The following LARGE1 variants were observed in gnomAD, a reference collection of about 807,000 sequenced individuals.
LARGE1 encodes LARGE xylosyl- and glucuronyltransferase 1.
LARGE1 carries 43 observed loss-of-function variants against 87.6 expected under a neutral mutation model. The observed-to-expected ratio is 0.49, with a 90% CI of 0.38 to 0.63. LARGE1 has a LOEUF of 0.63. Ranked by LOEUF, LARGE1 falls within the 30% of genes least tolerant of loss-of-function variation. The pLI is 0.00. For synonymous variants in LARGE1, 434 were observed against 394.6 expected (o/e 1.10, Z -1.18); for missense variants, 802 against 1,000.2 (o/e 0.80, Z 2.67).
chr22:33,850,940 C>A (rs1305416688), intron 1 of LARGE1, among the ~76,000 whole-genome samples: 7 of 152,172 alleles, frequency 4.6e-5, no homozygotes. Context: ...AAGTCTATAG[C>A]TGCTGAATGA....
chr22:33,419,224 A>T (rs1439968662), intron 7 of LARGE1, among the ~76,000 whole-genome samples: 1 of 152,082 alleles, frequency 6.6e-6, no homozygotes, highest in Non-Finnish European at 1.5e-5. Context: ...TATCACAAGT[A>T]CAGCATAGGG....
intron 1 of LARGE1, among the ~76,000 whole-genome samples, chr22:33,766,634 A>T (rs907147254): frequency 1.3e-5 from 2 of 151,918 alleles, no homozygotes; most frequent in Admixed American, 6.6e-5. Context: ...CATGTTAGCC[A>T]GGCTGGTCTC....
the LARGE1 span, among the ~76,000 whole-genome samples, chr22:33,100,380 T>G: frequency 1.5e-5 from 2 of 129,198 alleles, no homozygotes; most frequent in Non-Finnish European, 3.4e-5. Flanking sequence ...AAGTAAAAAA[T>G]TAAATAAATA....
the LARGE1 span, among the ~76,000 whole-genome samples, chr22:33,138,098 G>A: frequency 6.6e-6 from 1 of 152,210 alleles, no homozygotes; most frequent in Non-Finnish European, 1.5e-5. Flanking sequence ...GCCAGCCTGT[G>A]AAAGCAGCAG....
At chr22:33,857,229 C>CTT (rs1331785612) in intron 1 of LARGE1, among the ~76,000 whole-genome samples, 1 of 152,170 alleles carries the variant, frequency 6.6e-6, no homozygotes, top group Non-Finnish European at 1.5e-5. Context: ...AAAAGAACAT[C>CTT]TTTAAGTAAA....
chr22:33,252,546 T>C (rs1434967619), intron 11 of LARGE1, among the ~76,000 whole-genome samples: 1 of 152,236 alleles, frequency 6.6e-6, no homozygotes, highest in Non-Finnish European at 1.5e-5. Flanking sequence ...CTCTTCAAGA[T>C]AGCTTTTCTA....
At chr22:33,313,519 G>C (rs1316178632) in intron 11 of LARGE1, among the ~76,000 whole-genome samples, 1 of 152,178 alleles carries the variant, frequency 6.6e-6, no homozygotes, top group African/African-American at 2.4e-5. Context: ...TCTTGGGTGT[G>C]GGCAGGGCTT....
At chr22:33,346,469 T>C (rs989704821) in intron 9 of LARGE1, among the ~76,000 whole-genome samples, 3 of 151,948 alleles carry the variant, frequency 2.0e-5, no homozygotes, top group Non-Finnish European at 4.4e-5. Flanking sequence ...CGCCTGGCTA[T>C]GTTTTGTATT....
chr22:33,748,967 G>T (rs1042967158), intron 2 of LARGE1, among the ~76,000 whole-genome samples: 4 of 152,174 alleles, frequency 2.6e-5, no homozygotes, highest in African/African-American at 9.7e-5. Flanking sequence ...GGACCAGGTG[G>T]GTGACGTTTT....
intron 12 of LARGE1, among the ~76,000 whole-genome samples, chr22:33,284,833 C>T (rs1931213789): frequency 6.6e-6 from 1 of 152,098 alleles, no homozygotes; most frequent in Non-Finnish European, 1.5e-5. Flanking sequence ...CCTTGGCCTC[C>T]CAAAGTGCTG....
intron 7 of LARGE1, among the ~76,000 whole-genome samples, chr22:33,417,873 T>C (rs1318497188): frequency 6.6e-6 from 1 of 152,196 alleles, no homozygotes; most frequent in Non-Finnish European, 1.5e-5. Flanking sequence ...CAATGGCAGG[T>C]TGAGTCCTTC....
intron 1 of LARGE1, among the ~76,000 whole-genome samples, chr22:33,897,613 C>T (rs768955712): frequency 6.6e-6 from 1 of 152,172 alleles, no homozygotes; most frequent in Non-Finnish European, 1.5e-5. Flanking sequence ...ATGAAGCCAG[C>T]GGAACCTACA....
chr22:33,522,411 A>G (rs1361327464), intron 6 of LARGE1, among the ~76,000 whole-genome samples: 2 of 152,208 alleles, frequency 1.3e-5, no homozygotes, highest in Non-Finnish European at 1.5e-5. Flanking sequence ...GAGAGTTAAT[A>G]AATGGTATCT....
the LARGE1 span, among the ~76,000 whole-genome samples, chr22:33,075,918 T>C: frequency 2.0e-5 from 3 of 152,148 alleles, no homozygotes; most frequent in Admixed American, 6.5e-5. Context: ...ATTAGACATA[T>C]CCTTAGAGAA....
At position 33,274,528 on chromosome 22, in the gene LARGE1, G is replaced by A. The variant is rs1483383744; in HGVS notation, c.2170C>T (p.Arg724Cys). The change falls in exon 15 of 15, where the codon CGC becomes TGC. Residue 724 changes from arginine (R) to cysteine (C), a missense_variant. Around this residue, in one of 2 missense-constraint regions of LARGE1, gnomAD observed 625 missense variants for 841.9 expected, o/e 0.74. Transcript: ENST00000397394. The part of the protein sequence containing the change: ...ITKFRSNKQY[R>C]ICLKTLKEEF... ...TCCTTGAGGGTTTTGAGACAGATGC[G>A]GTATTGCTTGTTGGAACGGAACTTG... 3.1e-6 allele frequency: 5 copies of A among 1,614,004 alleles called. No individual in the cohort carries two copies. Among genetic ancestry groups the A allele is most frequent in the South Asian group, 1.1e-5 (1 of 91,082 alleles).
At chr22:33,888,728 G>A (rs566008229) in intron 1 of LARGE1, among the ~76,000 whole-genome samples, 3 of 151,980 alleles carry the variant, frequency 2.0e-5, no homozygotes, top group African/African-American at 4.8e-5. Context: ...ATGGTGGTGC[G>A]TGCCTGTAAT....
chr22:33,168,161 C>A (rs1370804652), intron 11 of LARGE1, among the ~76,000 whole-genome samples: 1 of 152,092 alleles, frequency 6.6e-6, no homozygotes, highest in East Asian at 1.9e-4. Flanking sequence ...TACAATATTG[C>A]CTCTTCAGAT....
chr22:33,139,878 C>T, the LARGE1 span, among the ~76,000 whole-genome samples: 1 of 152,216 alleles, frequency 6.6e-6, no homozygotes, highest in African/African-American at 2.4e-5. Context: ...TCTCTCCCCA[C>T]TTGCAAATAA....
At position 33,365,695 on chromosome 22, in the gene LARGE1, A is replaced by G. The variant is rs531782803; in HGVS notation, c.1131+16224T>C. On this transcript the variant is annotated intron_variant, in intron 9 of 14. Coordinates refer to ENST00000397394, the MANE Select transcript of LARGE1 (RefSeq NM_133642.5). ...AGTGGCACAATCTCGGCTCACTGCA[A>G]CCTCTCCACCTCCCGGGCTCAAGAA... Among the ~76,000 whole-genome samples the G allele has an allele frequency of 1.2e-3, 187 of 150,896 alleles. 2 individuals are homozygous for G. Among genetic ancestry groups the G allele is most frequent in the African/African-American group, 4.4e-3 (182 of 41,096 alleles).
Sources: gnomAD v4.1 joint callset for allele counts (sites outside exome capture counted in the v4.1 genomes callset) on GRCh38, gnomAD v4.1.1 for gene constraint, gnomAD v4.1.1 regional missense constraint, MANE v1.5 for transcripts, NCBI Gene and HGNC (gene_info 2026-07-23, HGNC 2026-07-21) for gene names.